Variants in SMG7 observed in about 807,000 individuals in gnomAD.
The protein encoded by SMG7 is nonsense-mediated mRNA decay factor SMG7.
In SMG7, 34 loss-of-function variants were observed where a neutral mutation model predicts 148.2. The observed-to-expected ratio is 0.23, with a 90% confidence interval of 0.17 to 0.31. The LOEUF is 0.31. Ranked by LOEUF, SMG7 falls within the 10% of genes least tolerant of loss-of-function variation. The pLI is 1.00. For missense variants in SMG7, 1,114 were observed against 1,408.4 expected (o/e 0.79, Z 3.35); for synonymous variants, 492 against 515.1 (o/e 0.96, Z 0.61).
intron 1 of SMG7, chr1:183,502,123 GA>G (rs761286039): frequency 3.4e-6 from 2 of 586,932 alleles, no homozygotes; most frequent in Admixed American, 3.5e-5. Flanking sequence ...AACAAAAAAA[GA>G]AAAAGGCTTT....
intron 1 of SMG7, among the ~76,000 whole-genome samples, chr1:183,477,269 C>T (rs960964653): frequency 6.6e-6 from 1 of 152,168 alleles, no homozygotes; most frequent in African/African-American, 2.4e-5. Context: ...TCCTCCTTTT[C>T]TTCCTTCACT....
chr1:183,503,571 A>G (rs1026032684), intron 1 of SMG7, among the ~76,000 whole-genome samples: 1 of 152,078 alleles, frequency 6.6e-6, no homozygotes, highest in African/African-American at 2.4e-5. Context: ...AGGGTTTTTT[A>G]CTACAACTTT....
chr1:183,517,906 T>C (rs1663905959), intron 4 of SMG7, 86 bp downstream of exon 4: 2 of 1,354,866 alleles, frequency 1.5e-6, no homozygotes, highest in Non-Finnish European at 1.0e-6. Context: ...TGTAAACAAT[T>C]CTTGTAACCA....
intron 7 of SMG7, 34 bp downstream of exon 7, chr1:183,529,076 A>G (rs1261197957): frequency 3.2e-6 from 5 of 1,575,514 alleles, no homozygotes; most frequent in Non-Finnish European, 4.3e-6. Context: ...TCTCTTTCCA[A>G]GAGGACTTTG....
chr1:183,533,086 A>G lies in SMG7; in HGVS notation c.844-78A>G. On this transcript the variant is annotated intron_variant, in intron 8 of 22. Coordinates refer to ENST00000688051, the MANE Select transcript of SMG7 (RefSeq NM_001375584.1). ...TTACACATGGTGGTTCTAAATGCAG[A>G]CTACCAGTTTAATTTCTTGTGTCAA... 2.5e-6 allele frequency: 3 copies of G among 1,222,398 alleles called. No individual in the cohort carries two copies. In the South Asian group the frequency reaches 4.1e-5, roughly 17 times the overall value. The allele number at this position is 1,222,398 out of a possible 1,614,324, so 75.7% of individuals were successfully genotyped here.
At chr1:183,481,459 G>A (rs897474055) in intron 1 of SMG7, among the ~76,000 whole-genome samples, 3 of 152,008 alleles carry the variant, frequency 2.0e-5, no homozygotes, top group Non-Finnish European at 4.4e-5. Flanking sequence ...TTTTATATGT[G>A]ACTTATCTCT....
intron 8 of SMG7, among the ~76,000 whole-genome samples, chr1:183,530,658 A>C (rs1289802941): frequency 6.6e-6 from 1 of 152,118 alleles, no homozygotes; most frequent in Non-Finnish European, 1.5e-5. Context: ...TCAAAACTAA[A>C]ATCTTAAATT....
chr1:183,512,378 G>A (rs1662341554), intron 1 of SMG7, among the ~76,000 whole-genome samples: 1 of 152,128 alleles, frequency 6.6e-6, no homozygotes, highest in Non-Finnish European at 1.5e-5. Context: ...TTTTCCCTGA[G>A]GTATGGAACT....
chr1:183,553,301 A>G lies in SMG7; in HGVS notation c.*1370A>G. The G allele has an allele frequency of 4.1e-6, 5 of 1,211,132 alleles. No individual in the cohort carries two copies. The highest frequency in any genetic ancestry group is 4.5e-6 in the Non-Finnish European group (4 of 887,942). The allele number at this position is 1,211,132 out of a possible 1,614,324, so 75.0% of individuals were successfully genotyped here. On this transcript the variant is annotated 3_prime_UTR_variant, in exon 23 of 23. Coordinates refer to ENST00000688051, the MANE Select transcript of SMG7 (RefSeq NM_001375584.1). Reference sequence around the variant, plus strand: ...CTGTTAGTCATTTCCTGGAAAAGTAATATTTTAAGGGGAAATTATGGAAAC... The same window carrying G: ...CTGTTAGTCATTTCCTGGAAAAGTAGTATTTTAAGGGGAAATTATGGAAAC...
rs145633119 is a variant in SMG7 at position 183,497,007 on chromosome 1, G to A, written c.30-15830G>A. Among the ~76,000 whole-genome samples the A allele has an allele frequency of 2.1e-3, 323 of 152,264 alleles. 1 individual carries two copies. Among genetic ancestry groups the A allele is most frequent in the Middle Eastern group, 0.01 (3 of 294 alleles). On this transcript the variant is annotated intron_variant, in intron 1 of 22. Transcript: ENST00000688051. The stretch of plus-strand genomic sequence containing the variant: ...TTACTCTTAACACTCCCTTGGTAAT[G>A]TCATCCCGTCTTATGGGCTTTAACG...
intron 12 of SMG7, among the ~76,000 whole-genome samples, chr1:183,538,982 A>G (rs1302636184): frequency 6.6e-6 from 1 of 151,930 alleles, no homozygotes; most frequent in East Asian, 1.9e-4. Flanking sequence ...CGTCTCTACT[A>G]AAAATACAAA....
At chr1:183,544,187 A>G (rs1669475015) in intron 14 of SMG7, among the ~76,000 whole-genome samples, 166 bp from the exon 15 acceptor site, 2 of 152,228 alleles carry the variant, frequency 1.3e-5, no homozygotes, top group African/African-American at 4.8e-5. Context: ...TGGCTATTAA[A>G]TAATTTGCTT....
At position 183,533,206 on chromosome 1, in the gene SMG7, C is replaced by T. The variant is rs746379812; in HGVS notation, c.886C>T (p.His296Tyr). The T allele has an allele frequency of 1.2e-6, 2 of 1,613,876 alleles. No individual in the cohort carries two copies. The highest frequency in any genetic ancestry group is 8.5e-7 in the Non-Finnish European group (1 of 1,179,788). The change falls in exon 9 of 23, where the codon CAT becomes TAT. Residue 296 changes from histidine (H) to tyrosine (Y), a missense_variant. By Grantham distance (83) the His-to-Tyr change is moderately conservative. Around this residue, in one of 4 missense-constraint regions of SMG7, gnomAD observed 8 missense variants for 37.6 expected, o/e 0.21. Transcript: ENST00000688051. ...AGCTTTCAACTCTCAGCAGTTAGTT[C>T]ATGTCACTGTCATTAACCTGTTTCA... ...QKAFNSQQLV[H>Y]VTVINLFQLH...
At position 183,552,748 on chromosome 1, in the gene SMG7, T is replaced by A; in HGVS notation, c.*817T>A. 2 of 1,372,598 alleles carry A rather than the reference T, an allele frequency of 1.5e-6. No individual in the cohort carries two copies. The highest frequency in any genetic ancestry group is 1.9e-6 in the Non-Finnish European group (2 of 1,063,914). 85.0% of individuals were successfully genotyped at this position (1,372,598 alleles called of 1,614,324 possible). Reference sequence around the variant, plus strand: ...AATTACGTTTTTGATTCCTGTACATTTTACAGTCGCACAGCAAGCAGTCTC... The same window carrying A: ...AATTACGTTTTTGATTCCTGTACATATTACAGTCGCACAGCAAGCAGTCTC... On this transcript the variant is annotated 3_prime_UTR_variant, in exon 23 of 23. Coordinates refer to ENST00000688051, the MANE Select transcript of SMG7 (RefSeq NM_001375584.1).
At chr1:183,513,655 C>G (rs1465391545) in intron 2 of SMG7, among the ~76,000 whole-genome samples, 6 of 152,106 alleles carry the variant, frequency 3.9e-5, no homozygotes, top group Admixed American at 3.3e-4. Flanking sequence ...TAGGCGTGAG[C>G]CACTGCGCCT....
intron 4 of SMG7, among the ~76,000 whole-genome samples, chr1:183,525,743 C>T (rs1239667020): frequency 6.6e-6 from 1 of 151,954 alleles, no homozygotes; most frequent in African/African-American, 2.4e-5. Context: ...AAGAGCCCCT[C>T]ATACTTTAAG....
intron 15 of SMG7, among the ~76,000 whole-genome samples, 169 bp downstream of exon 15, chr1:183,544,666 A>G (rs1448224715): frequency 6.6e-6 from 1 of 152,214 alleles, no homozygotes; most frequent in Non-Finnish European, 1.5e-5. Context: ...TAGTGTACAT[A>G]CAAGTGCATG....
intron 6 of SMG7, 143 bp from the exon 7 acceptor site, chr1:183,528,749 C>A: frequency 1.5e-6 from 1 of 681,656 alleles, no homozygotes; most frequent in Non-Finnish European, 2.5e-6. Context: ...TTGGACCTTA[C>A]GCTGGTTTGC....
At chr1:183,490,590 C>T (rs781580988) in intron 1 of SMG7, among the ~76,000 whole-genome samples, 9 of 152,084 alleles carry the variant, frequency 5.9e-5, no homozygotes. Context: ...TTAATACTTT[C>T]TAGTCTTTTT....
Sources: allele counts gnomAD v4.1 joint callset (sites outside exome capture counted in the v4.1 genomes callset), GRCh38; gene constraint gnomAD v4.1.1; regional missense constraint gnomAD v4.1.1; transcripts MANE v1.5; gene names NCBI Gene and HGNC (gene_info 2026-07-23, HGNC 2026-07-21).